The following ZNF75D variants were observed in gnomAD, a reference collection of about 807,000 sequenced individuals.
ZNF75D encodes the protein zinc finger protein 75.
Under a neutral mutation model 33.3 loss-of-function variants are expected in ZNF75D, and 33 were observed. That is an observed-to-expected ratio of 0.99 (90% confidence interval 0.75 to 1.32). ZNF75D has a LOEUF of 1.32. Among genes scored for constraint, ZNF75D ranks in the 40% most tolerant of loss-of-function variants. The probability of loss-of-function intolerance (pLI) is 0.00; values close to 1 mark genes in which losing one functional copy is unlikely to be tolerated. For synonymous variants in ZNF75D, 113 were observed against 130.6 expected (o/e 0.87, Z 0.92); for missense variants, 338 against 367.5 (o/e 0.92, Z 0.66).
chrX:135,294,562 T>C (rs1411279842), intron 2 of ZNF75D, among the ~76,000 whole-genome samples: 1 of 110,975 alleles, frequency 9.0e-6, no homozygotes, highest in Admixed American at 9.5e-5. Flanking sequence ...CTGGCACCAA[T>C]TGGCCAAAAG....
At chrX:135,283,035 T>C (rs2083926385), downstream of ZNF75D, among the ~76,000 whole-genome samples, 1 of 111,860 alleles carries the variant, frequency 8.9e-6, no homozygotes, top group African/African-American at 3.3e-5. Context: ...GGGAAATCTT[T>C]CTTGGCATTG....
In ZNF75D at chrX:135,293,821, T is replaced by C. The variant is rs1242765160; in HGVS notation, c.320A>G (p.Asn107Ser). ...CTGTGGATGATGCTTCTGCACCCAG[T>C]TCTGGGTCTCCTTGGGCAGAATGCT... ...FLSILPKETQ[N>S]WVQKHHPQNV... The change falls in exon 3 of 7, where the codon AAC becomes AGC. Residue 107 changes from asparagine (N) to serine (S), a missense_variant. This residue lies in a region of ZNF75D where 254 missense variants were observed against 267.7 expected (regional missense o/e 0.95). Transcript: ENST00000370766. 2 of 1,208,771 alleles carry C rather than the reference T, an allele frequency of 1.7e-6. No homozygotes were observed. The highest frequency in any genetic ancestry group is 3.5e-5 in the African/African-American group (2 of 57,334).
intron 1 of ZNF75D, among the ~76,000 whole-genome samples, chrX:135,279,512 T>G (rs2083912261): frequency 8.9e-6 from 1 of 111,733 alleles, no homozygotes; most frequent in Admixed American, 9.5e-5. Flanking sequence ...TCTTAGTTAT[T>G]TCTTGTCTTC....
At chrX:135,289,656 A>ACACG (rs2084010434) in intron 6 of ZNF75D, among the ~76,000 whole-genome samples, 2 of 107,800 alleles carry the variant, frequency 1.9e-5, no homozygotes, top group African/African-American at 6.8e-5. Flanking sequence ...ACACACACAC[A>ACACG]CACACACACA....
chrX:135,263,564 G>A (rs1413323797), intron 1 of ZNF75D, among the ~76,000 whole-genome samples: 1 of 112,743 alleles, frequency 8.9e-6, no homozygotes, highest in East Asian at 2.8e-4. Flanking sequence ...TTCGCAGATC[G>A]AACTCAGACT....
In ZNF75D at chrX:135,294,243, G is replaced by C. The variant is rs1369244325; in HGVS notation, c.-103C>G. 1 of 700,329 alleles carries C rather than the reference G, an allele frequency of 1.4e-6. No homozygotes were observed. Among genetic ancestry groups the C allele is most frequent in the Non-Finnish European group, 2.1e-6 (1 of 476,282 alleles). The allele number at this position is 700,329 out of a possible 1,213,427, so 57.7% of individuals were successfully genotyped here. A position where few individuals can be genotyped will look rare whatever the true frequency, so the allele number is the denominator to read the frequency against. On this transcript the variant is annotated 5_prime_UTR_variant, in exon 3 of 7. Transcript: ENST00000370766. ...CAGGTTGGTACCAAATCAATGAATT[G>C]TTCTTCCCAAGAGCACTGAGGGAGA...
intron 3 of ZNF75D, among the ~76,000 whole-genome samples, chrX:135,293,117 G>A (rs1447584371): frequency 1.8e-5 from 2 of 111,617 alleles, no homozygotes; most frequent in Non-Finnish European, 3.8e-5. Flanking sequence ...CTCACCAGAA[G>A]GGCCAATGAC....
rs1301038363 is a variant in ZNF75D, at chrX:135,285,817, T to A, written c.*1320A>T. 1 of 112,561 alleles carries A rather than the reference T, an allele frequency of 8.9e-6. No individual in the cohort carries two copies. The highest frequency in any genetic ancestry group is 1.9e-5 in the Non-Finnish European group (1 of 53,353). The allele number at this position is 112,561 out of a possible 1,213,427, so 9.3% of individuals were successfully genotyped here. On this transcript the variant is annotated 3_prime_UTR_variant, in exon 7 of 7. Transcript: ENST00000370766. ...GATTTGGTAACAAAGTTTTGTTTAT[T>A]GTCTAAATTTAAGATAAAATGTGTC...
intron 1 of ZNF75D, among the ~76,000 whole-genome samples, chrX:135,268,629 T>C (rs2083871190): frequency 9.0e-6 from 1 of 111,048 alleles, no homozygotes; most frequent in South Asian, 3.8e-4. Context: ...TATTCCATGT[T>C]CATGGATTGG....
rs189923822 is a variant in ZNF75D at position 135,324,225 on chromosome X, T to C, written c.-391+17543A>G. Among the ~76,000 whole-genome samples, 449 of 111,532 alleles carry C rather than the reference T, an allele frequency of 4.0e-3. 4 individuals are homozygous for C. Among genetic ancestry groups the C allele is most frequent in the African/African-American group, 0.013 (388 of 30,666 alleles). ...TGACCCCAGTTTACAGATGAGAAAA[T>C]GAAGCTTAGAGAAGTGAACCCAATT... On this transcript the variant is annotated intron_variant, in intron 1 of 6. Coordinates refer to ENST00000370766, the MANE Select transcript of ZNF75D (RefSeq NM_007131.5).
intron 1 of ZNF75D, among the ~76,000 whole-genome samples, chrX:135,280,243 T>A (rs1556418290): frequency 1.8e-5 from 2 of 112,305 alleles, no homozygotes; most frequent in Admixed American, 9.4e-5. Flanking sequence ...TGTAACGCCC[T>A]TCTTTGTCTT....
chrX:135,293,612 G>A (rs2084079851), intron 3 of ZNF75D, 118 bp downstream of exon 3: 1 of 693,893 alleles, frequency 1.4e-6, no homozygotes, highest in Non-Finnish European at 2.1e-6. Flanking sequence ...CTTGCTAGCT[G>A]TCCTAAAGGA....
Position 135,291,028 on chromosome X carries a change from A to G in ZNF75D, c.804T>C (p.Tyr268=), listed in dbSNP as rs782225743. 1.2e-5 allele frequency: 15 copies of G among 1,208,573 alleles called. No homozygotes were observed. In the South Asian group the frequency reaches 2.5e-4, roughly 20 times the overall value. The change falls in exon 6 of 7, where the codon TAT becomes TAC. Residue 268 remains tyrosine (Y), a synonymous_variant. Coordinates refer to ENST00000370766, the MANE Select transcript of ZNF75D (RefSeq NM_007131.5). The part of the protein sequence containing the change: ...TLYNDVMQDI[Y]ETVISLGLKL... ...CTTTACCTAGAGAGATGACAGTCTCATAGATATCCTGCATTACATCATTGT... is the reference window on the plus strand; with the variant it reads ...CTTTACCTAGAGAGATGACAGTCTCGTAGATATCCTGCATTACATCATTGT...
In ZNF75D at chrX:135,286,717, AG is replaced by A. The variant is rs2083958120; in HGVS notation, c.*419del. ...GTCCCTAATTTAGTAATTCTCTCTGAGCTCCCTTAAGAGGGCCCAAGTACTC... is the reference window on the plus strand; with the variant it reads ...GTCCCTAATTTAGTAATTCTCTCTGACTCCCTTAAGAGGGCCCAAGTACTC... On this transcript the variant is annotated 3_prime_UTR_variant, in exon 7 of 7. Coordinates refer to ENST00000370766, the MANE Select transcript of ZNF75D (RefSeq NM_007131.5). The A allele has an allele frequency of 8.2e-6, 1 of 121,570 alleles. No individual in the cohort carries two copies. Among genetic ancestry groups the A allele is most frequent in the South Asian group, 3.4e-4 (1 of 2,911 alleles). 10.0% of individuals were successfully genotyped at this position (121,570 alleles called of 1,213,427 possible).
intron 1 of ZNF75D, among the ~76,000 whole-genome samples, chrX:135,312,009 C>G (rs1196498178): frequency 2.7e-5 from 3 of 111,681 alleles, no homozygotes; most frequent in Non-Finnish European, 5.6e-5. Flanking sequence ...ATACCAAGTT[C>G]TCTCTCCCAG....
chrX:135,308,657 C>A (rs1556426510), intron 1 of ZNF75D, among the ~76,000 whole-genome samples: 1 of 112,039 alleles, frequency 8.9e-6, no homozygotes, highest in Non-Finnish European at 1.9e-5. Flanking sequence ...GGCATTATGC[C>A]AGATTCAAGT....
At chrX:135,283,946 C>T (rs1556418944), downstream of ZNF75D, among the ~76,000 whole-genome samples, 1 of 111,660 alleles carries the variant, frequency 9.0e-6, no homozygotes, top group Non-Finnish European at 1.9e-5. Flanking sequence ...CCCTGACTTC[C>T]AATCTCAGTC....
In ZNF75D at chrX:135,258,059, A is replaced by T. The variant is rs782693229; in HGVS notation, n.828-2282T>A. Among the ~76,000 whole-genome samples the T allele has an allele frequency of 7.5e-3, 810 of 108,386 alleles. 6 individuals carry two copies. Among genetic ancestry groups the T allele is most frequent in the African/African-American group, 0.025 (762 of 30,258 alleles). 94.1% of individuals were successfully genotyped at this position (108,386 alleles called of 115,157 possible). A position where few individuals can be genotyped will look rare whatever the true frequency, so the allele number is the denominator to read the frequency against. On this transcript the variant is annotated intron_variant and non_coding_transcript_variant, in intron 1 of 3. Transcript: ENST00000494295. The stretch of plus-strand genomic sequence containing the variant: ...TTACCACCTATGAGTGAGAACATGC[A>T]GTGTTTGGTTTTCTGTCCTTGTGAT...
chrX:135,325,054 G>C (rs1175663312), intron 1 of ZNF75D, among the ~76,000 whole-genome samples: 1 of 110,255 alleles, frequency 9.1e-6, no homozygotes, highest in Non-Finnish European at 1.9e-5. Flanking sequence ...AAGAAGGCAG[G>C]GGAAACAACC....
Sources: gnomAD v4.1 joint callset for allele counts (sites outside exome capture counted in the v4.1 genomes callset) on GRCh38, gnomAD v4.1.1 for gene constraint, gnomAD v4.1.1 regional missense constraint, MANE v1.5 for transcripts, NCBI Gene and HGNC (gene_info 2026-07-23, HGNC 2026-07-21) for gene names.